Variants in EXT1 observed in about 807,000 individuals in gnomAD.
EXT1 encodes the protein exostosin glycosyltransferase 1.
EXT1 carries 20 observed loss-of-function variants against 82.5 expected under a neutral mutation model. The ratio of observed to expected loss-of-function variants is 0.24; its 90% CI spans 0.17 to 0.35. EXT1 has a LOEUF of 0.35. Ranked by LOEUF, EXT1 falls within the 10% of genes least tolerant of loss-of-function variation. The pLI, the probability that EXT1 is intolerant of heterozygous loss-of-function variation, is 1.00. For missense variants in EXT1, 757 were observed against 936.5 expected (o/e 0.81, Z 2.50); for synonymous variants, 348 against 350.8 (o/e 0.99, Z 0.09).
intron 1 of EXT1, among the ~76,000 whole-genome samples, chr8:117,904,414 T>C (rs1221385925): frequency 3.9e-5 from 6 of 152,210 alleles, no homozygotes; most frequent in Non-Finnish European, 8.8e-5. Flanking sequence ...AAGTCTACCA[T>C]TTACTAGATT....
intron 1 of EXT1, among the ~76,000 whole-genome samples, chr8:117,963,532 C>T (rs971422466): frequency 6.6e-6 from 1 of 151,988 alleles, no homozygotes; most frequent in South Asian, 2.1e-4. Flanking sequence ...ACTCAATCAC[C>T]CAGGCTGGAC....
intron 1 of EXT1, among the ~76,000 whole-genome samples, chr8:117,861,986 T>A (rs759698606): frequency 6.9e-6 from 1 of 145,824 alleles, no homozygotes; most frequent in Non-Finnish European, 1.5e-5. Context: ...CCACGGACAT[T>A]AGTGTGAAAC....
rs1436611549 is a variant in EXT1 at position 117,995,031 on chromosome 8, C to T, written c.962+115054G>A. Among the ~76,000 whole-genome samples, 6 of 152,180 alleles carry T rather than the reference C, an allele frequency of 3.9e-5. No homozygotes were observed. The South Asian group carries it at 6.2e-4, about 16-fold the overall frequency. Reference sequence around the variant, plus strand: ...GGCCTAAGATCTGTGTCCAGAGTCACGAAGACAAACTGAGAGAGAGTGTTT... The same window carrying T: ...GGCCTAAGATCTGTGTCCAGAGTCATGAAGACAAACTGAGAGAGAGTGTTT... On this transcript the variant is annotated intron_variant, in intron 1 of 10. Coordinates refer to ENST00000378204, the MANE Select transcript of EXT1 (RefSeq NM_000127.3).
intron 1 of EXT1, among the ~76,000 whole-genome samples, chr8:118,082,757 A>G (rs1817354158): frequency 6.6e-6 from 1 of 152,250 alleles, no homozygotes; most frequent in South Asian, 2.1e-4. Context: ...TTTTCTTTTA[A>G]TTCCATTTCA....
chr8:117,925,866 C>A (rs1813944177), intron 1 of EXT1, among the ~76,000 whole-genome samples: 1 of 152,090 alleles, frequency 6.6e-6, no homozygotes, highest in Admixed American at 6.6e-5. Flanking sequence ...CCACTGCACT[C>A]CAGTCTGGGC....
At chr8:118,075,834 G>C (rs937886820) in intron 1 of EXT1, among the ~76,000 whole-genome samples, 5 of 151,992 alleles carry the variant, frequency 3.3e-5, no homozygotes, top group African/African-American at 1.2e-4. Context: ...TGAAACAATG[G>C]GATCTCATGG....
chr8:117,852,609 A>G (rs1247227744), intron 1 of EXT1, among the ~76,000 whole-genome samples: 1 of 152,218 alleles, frequency 6.6e-6, no homozygotes, highest in South Asian at 2.1e-4. Context: ...GACCCACAAC[A>G]TGAATTTTAG....
At chr8:117,939,082 A>T (rs1024452283) in intron 1 of EXT1, among the ~76,000 whole-genome samples, 1 of 151,978 alleles carries the variant, frequency 6.6e-6, no homozygotes, top group African/African-American at 2.4e-5. Context: ...CCTTGCCTGT[A>T]AAAATTCAAA....
chr8:118,022,323 A>ATTCT (rs1563632072), intron 1 of EXT1, among the ~76,000 whole-genome samples: 3 of 96,820 alleles, frequency 3.1e-5, no homozygotes, highest in Non-Finnish European at 6.6e-5. Flanking sequence ...GCGCATATAT[A>ATTCT]TTCTTTTTTT....
At chr8:117,944,545 G>A (rs576390447) in intron 1 of EXT1, among the ~76,000 whole-genome samples, 87 of 152,244 alleles carry the variant, frequency 5.7e-4, no homozygotes, top group Non-Finnish European at 1.0e-3. Context: ...GTGAAAAAGC[G>A]AACATTCTTA....
chr8:117,876,669 T>A (rs1173347109), intron 1 of EXT1, among the ~76,000 whole-genome samples: 2 of 152,226 alleles, frequency 1.3e-5, no homozygotes, highest in East Asian at 3.8e-4. Context: ...CATCTATTTA[T>A]AAAAGATCTT....
chr8:117,808,799 G>C (rs1332137136), intron 8 of EXT1, among the ~76,000 whole-genome samples: 6 of 152,222 alleles, frequency 3.9e-5, no homozygotes, highest in African/African-American at 1.2e-4. Flanking sequence ...GTCTGTGAGG[G>C]TGTTTCTGGA....
At chr8:118,090,120 C>T (rs1817495826) in intron 1 of EXT1, among the ~76,000 whole-genome samples, 1 of 152,084 alleles carries the variant, frequency 6.6e-6, no homozygotes, top group Non-Finnish European at 1.5e-5. Flanking sequence ...AACCAAAAAC[C>T]TGTAAAAAAG....
At chr8:118,055,445 C>T (rs896454043) in intron 1 of EXT1, among the ~76,000 whole-genome samples, 1 of 152,188 alleles carries the variant, frequency 6.6e-6, no homozygotes, top group Non-Finnish European at 1.5e-5. Flanking sequence ...GCTGTGAACA[C>T]GTGTAGACAA....
rs1357579113 is a variant in EXT1 at position 118,061,080 on chromosome 8, T to C, written c.962+49005A>G. ...AAAAAGTGTTTCTGCAAACTTTGACTGAGGCACTTGGGGTAAGTTAATTCC... is the reference window on the plus strand; with the variant it reads ...AAAAAGTGTTTCTGCAAACTTTGACCGAGGCACTTGGGGTAAGTTAATTCC... On this transcript the variant is annotated intron_variant, in intron 1 of 10. Coordinates refer to ENST00000378204, the MANE Select transcript of EXT1 (RefSeq NM_000127.3). Among the ~76,000 whole-genome samples the C allele has an allele frequency of 2.0e-5, 3 of 152,202 alleles. No homozygotes were observed. In the East Asian group the frequency reaches 5.8e-4, roughly 29 times the overall value.
At chr8:117,800,355 T>C (rs528457659) in intron 10 of EXT1, among the ~76,000 whole-genome samples, 1 of 152,216 alleles carries the variant, frequency 6.6e-6, no homozygotes, top group South Asian at 2.1e-4. Context: ...TTTCTCTCTA[T>C]CCATCACTTC....
intron 1 of EXT1, among the ~76,000 whole-genome samples, chr8:117,839,126 G>C (rs2129796540): frequency 6.6e-6 from 1 of 152,318 alleles, no homozygotes; most frequent in South Asian, 2.1e-4. Context: ...TGCTGATATA[G>C]CAAGTAAGAT....
At chr8:117,878,203 G>T (rs1453235316) in intron 1 of EXT1, among the ~76,000 whole-genome samples, 1 of 152,182 alleles carries the variant, frequency 6.6e-6, no homozygotes, top group Non-Finnish European at 1.5e-5. Context: ...GAGCCTGGGA[G>T]GTGGAGGTTA....
intron 1 of EXT1, among the ~76,000 whole-genome samples, chr8:118,016,834 C>G (rs1244054477): frequency 6.6e-6 from 1 of 152,232 alleles, no homozygotes; most frequent in African/African-American, 2.4e-5. Flanking sequence ...CCAAGCTTTC[C>G]ATGCCATCAC....
Sources: gnomAD v4.1 joint callset for allele counts (sites outside exome capture counted in the v4.1 genomes callset) on GRCh38, gnomAD v4.1.1 for gene constraint, MANE v1.5 for transcripts, NCBI Gene and HGNC (gene_info 2026-07-23, HGNC 2026-07-21) for gene names.